Variants in ZFAND6 observed in about 807,000 individuals in gnomAD.
ZFAND6 encodes AN1-type zinc finger protein 6.
In ZFAND6, 12 loss-of-function variants were observed where a neutral mutation model predicts 24.5. The observed-to-expected ratio is 0.49, with a 90% CI of 0.31 to 0.79. The LOEUF is 0.79. Among genes scored for constraint, ZFAND6 ranks in the 30% least tolerant of loss-of-function variants. The pLI is 0.04. For missense variants in ZFAND6, 207 were observed against 245.9 expected, an observed-to-expected ratio of 0.84 and a Z score of 1.06; for synonymous variants, 92 against 81.5, an observed-to-expected ratio of 1.13 and a Z score of -0.69.
At chr15:80,062,581 C>A (rs1302972420) in intron 1 of ZFAND6, among the ~76,000 whole-genome samples, 3 of 152,084 alleles carry the variant, frequency 2.0e-5, no homozygotes, top group African/African-American at 7.2e-5. Flanking sequence ...TTTTGAATAA[C>A]CTTTTTGTTT....
intron 5 of ZFAND6, 36 bp downstream of exon 5, chr15:80,122,836 A>T: frequency 6.5e-7 from 1 of 1,546,186 alleles, no homozygotes; most frequent in South Asian, 1.1e-5. Context: ...TTGTTATTTG[A>T]GTATTATAGG....
chr15:80,075,132 A>G (rs1447610535), intron 1 of ZFAND6: 1 of 152,736 alleles, frequency 6.5e-6, no homozygotes, highest in Non-Finnish European at 1.5e-5. Flanking sequence ...TTTTTTGTTA[A>G]TGTCTACTTT....
intron 1 of ZFAND6, among the ~76,000 whole-genome samples, chr15:80,073,673 A>G (rs1229866480): frequency 6.6e-6 from 1 of 152,036 alleles, no homozygotes; most frequent in East Asian, 1.9e-4. Flanking sequence ...CCAGCAGATC[A>G]TTGTTTGGTC....
chr15:80,099,089 A>ACCCTTGTT (rs1284281860), intron 2 of ZFAND6, among the ~76,000 whole-genome samples: 2 of 152,122 alleles, frequency 1.3e-5, no homozygotes, highest in East Asian at 3.8e-4. Flanking sequence ...AAATACAAGC[A>ACCCTTGTT]CCCTTGTTCC....
intron 1 of ZFAND6, among the ~76,000 whole-genome samples, chr15:80,066,893 T>C (rs530495058): frequency 1.4e-5 from 2 of 141,218 alleles, no homozygotes; most frequent in African/African-American, 5.6e-5. Flanking sequence ...TGAGACTCCA[T>C]CTCCCAAAAA....
At chr15:80,069,675 C>T (rs1447538916) in intron 1 of ZFAND6, among the ~76,000 whole-genome samples, 38 of 151,898 alleles carry the variant, frequency 2.5e-4, no homozygotes, top group Non-Finnish European at 2.9e-5. Flanking sequence ...CTCTATAGCC[C>T]AGGCTGGAGT....
chr15:80,067,559 C>G (rs2036716603), intron 1 of ZFAND6, among the ~76,000 whole-genome samples: 2 of 152,204 alleles, frequency 1.3e-5, no homozygotes, highest in South Asian at 4.1e-4. Flanking sequence ...AGTCTGGTAG[C>G]TACCATCCAC....
At chr15:80,110,706 A>G (rs2039564554) in intron 2 of ZFAND6, among the ~76,000 whole-genome samples, 1 of 152,172 alleles carries the variant, frequency 6.6e-6, no homozygotes, top group South Asian at 2.1e-4. Flanking sequence ...ATGAGGCCTA[A>G]TGTGTGGGCA....
chr15:80,062,601 G>T (rs969049323), intron 1 of ZFAND6, among the ~76,000 whole-genome samples: 7 of 152,164 alleles, frequency 4.6e-5, no homozygotes, highest in African/African-American at 1.7e-4. Context: ...TGAAGGCATG[G>T]GAGTAGAGAT....
chr15:80,103,555 G>A (rs1301290753), intron 2 of ZFAND6, among the ~76,000 whole-genome samples: 1 of 152,162 alleles, frequency 6.6e-6, no homozygotes, highest in Non-Finnish European at 1.5e-5. Flanking sequence ...GCTTACTGTT[G>A]AGCATTGTTG....
chr15:80,126,179 G>C (rs1159323555), intron 5 of ZFAND6, among the ~76,000 whole-genome samples: 1 of 152,192 alleles, frequency 6.6e-6, no homozygotes, highest in African/African-American at 2.4e-5. Flanking sequence ...TTCCTACTCT[G>C]AGGGTTTCTG....
chr15:80,115,450 T>G (rs2039829901), intron 2 of ZFAND6, among the ~76,000 whole-genome samples: 1 of 152,182 alleles, frequency 6.6e-6, no homozygotes, highest in Non-Finnish European at 1.5e-5. Flanking sequence ...TTGTTCTGCC[T>G]TTTCTCCCCT....
intron 2 of ZFAND6, among the ~76,000 whole-genome samples, chr15:80,103,482 A>G (rs2039142860): frequency 6.6e-6 from 1 of 152,190 alleles, no homozygotes; most frequent in Non-Finnish European, 1.5e-5. Flanking sequence ...AACTCTTGTA[A>G]CTAGCGGCCT....
chr15:80,114,313 T>C (rs908163336), intron 2 of ZFAND6, among the ~76,000 whole-genome samples: 3 of 152,236 alleles, frequency 2.0e-5, no homozygotes, highest in Non-Finnish European at 4.4e-5. Flanking sequence ...GCTGCCGACC[T>C]GACTCCAAGC....
chr15:80,103,014 A>T (rs974584221), intron 2 of ZFAND6, among the ~76,000 whole-genome samples: 1 of 152,188 alleles, frequency 6.6e-6, no homozygotes, highest in East Asian at 1.9e-4. Flanking sequence ...ACCTCCATCC[A>T]TGACTTTAGA....
At chr15:80,069,700 C>T (rs1052673361) in intron 1 of ZFAND6, among the ~76,000 whole-genome samples, 1 of 151,934 alleles carries the variant, frequency 6.6e-6, no homozygotes, top group Non-Finnish European at 1.5e-5. Flanking sequence ...TGTCTGCTGC[C>T]CGGGTTCAAG....
intron 2 of ZFAND6, among the ~76,000 whole-genome samples, chr15:80,119,070 G>GT (rs2040028729): frequency 7.0e-6 from 1 of 142,598 alleles, no homozygotes; most frequent in African/African-American, 2.6e-5. Context: ...GGAGATTGTT[G>GT]TTTTTTAATA....
chr15:80,131,146 T>C, intron 5 of ZFAND6, 34 bp from the exon 6 acceptor site: 1 of 1,488,978 alleles, frequency 6.7e-7, no homozygotes, highest in Non-Finnish European at 9.1e-7. Context: ...TCTTACAGAA[T>C]AATTAAATTT....
intron 5 of ZFAND6, among the ~76,000 whole-genome samples, chr15:80,127,544 T>G (rs1350719231): frequency 1.4e-5 from 2 of 143,944 alleles, no homozygotes; most frequent in East Asian, 4.1e-4. Context: ...GAGCTGAGAT[T>G]GTGCCACTGC....
Sources: allele counts gnomAD v4.1 joint callset (sites outside exome capture counted in the v4.1 genomes callset), GRCh38; gene constraint gnomAD v4.1.1; transcripts MANE v1.5; gene names NCBI Gene and HGNC (gene_info 2026-07-23, HGNC 2026-07-21).